The following LHX4 variants were observed in gnomAD, a reference collection of about 807,000 sequenced individuals.
The protein encoded by LHX4 is LIM homeobox 4.
Under a neutral mutation model 39.2 loss-of-function variants are expected in LHX4, and 16 were observed. The observed-to-expected ratio is 0.41, with a 90% CI of 0.28 to 0.62. The LOEUF (loss-of-function observed/expected upper bound fraction) is 0.62, where lower values mean the gene tolerates loss of function less well. Among genes scored for constraint, LHX4 ranks in the 20% least tolerant of loss-of-function variants. LHX4 has a pLI of 0.33. For synonymous variants in LHX4, 206 were observed against 198.1 expected (o/e 1.04, Z -0.33); for missense variants, 439 against 511.9 (o/e 0.86, Z 1.37).
At chr1:180,244,686 A>G (rs773292576) in intron 1 of LHX4, among the ~76,000 whole-genome samples, 2 of 152,206 alleles carry the variant, frequency 1.3e-5, no homozygotes, top group Non-Finnish European at 2.9e-5. Flanking sequence ...CCAAACAACA[A>G]TTAGGTAGGA....
chr1:180,245,176 A>T (rs1442051478), intron 1 of LHX4, among the ~76,000 whole-genome samples: 1 of 152,192 alleles, frequency 6.6e-6, no homozygotes, highest in East Asian at 1.9e-4. Flanking sequence ...TCTGCTCAGC[A>T]GACCGCAAGG....
Position 180,230,391 on chromosome 1 carries a change from G to A in LHX4, c.-139G>A. On this transcript the variant is annotated 5_prime_UTR_variant, in exon 1 of 6. Coordinates refer to ENST00000263726, the MANE Select transcript of LHX4 (RefSeq NM_033343.4). The surrounding 1 kb of genome is among the most constrained non-coding windows in gnomAD (Gnocchi z 5.8). Reference sequence around the variant, plus strand: ...GGCCAGCCTGTGGAGTCCTCCCTGAGAAGCGGAGGGCCCGGCTTCCACCGT... The same window carrying A: ...GGCCAGCCTGTGGAGTCCTCCCTGAAAAGCGGAGGGCCCGGCTTCCACCGT... The A allele has an allele frequency of 4.1e-6, 3 of 737,982 alleles. No individual in the cohort carries two copies. In the Admixed American group the frequency reaches 6.1e-5, roughly 15 times the overall value. The allele number at this position is 737,982 out of a possible 1,614,324, so 45.7% of individuals were successfully genotyped here.
At position 180,247,613 on chromosome 1, in the gene LHX4, G is replaced by A. The variant is rs150679721; in HGVS notation, c.77-672G>A. ...CTCAATCATCTTCAAAATGTGAGCC[G>A]CTAGGGCATCTGGAAAAGCAGTTTC... is the stretch of plus-strand genomic sequence containing the variant. On this transcript the variant is annotated intron_variant, in intron 1 of 5. Transcript: ENST00000263726. Among the ~76,000 whole-genome samples the A allele has an allele frequency of 1.0e-2, 1,519 of 152,258 alleles. 10 individuals are homozygous for A. The highest frequency in any genetic ancestry group is 0.02 in the Middle Eastern group (6 of 294).
intron 3 of LHX4, among the ~76,000 whole-genome samples, chr1:180,267,260 A>G (rs947243333): frequency 6.6e-6 from 1 of 152,034 alleles, no homozygotes; most frequent in African/African-American, 2.4e-5. Flanking sequence ...CACCCCCTTC[A>G]CCACAACCAC....
intron 2 of LHX4, among the ~76,000 whole-genome samples, chr1:180,251,181 C>T (rs1017329604): frequency 1.3e-5 from 2 of 152,238 alleles, no homozygotes; most frequent in African/African-American, 4.8e-5. Context: ...CTGCCAGAGG[C>T]ACTGGCGCAT....
In LHX4 at chr1:180,237,220, G is replaced by C. The variant is rs569528731; in HGVS notation, c.76+6615G>C. On this transcript the variant is annotated intron_variant, in intron 1 of 5. Coordinates refer to ENST00000263726, the MANE Select transcript of LHX4 (RefSeq NM_033343.4). The stretch of plus-strand genomic sequence containing the variant: ...ACACAGGGGTTTTACTCGGCGGGGG[G>C]GGCGGGGAGGAGGGCGGTCGTGTGT... Among the ~76,000 whole-genome samples the C allele has an allele frequency of 4.7e-3, 718 of 152,150 alleles. 11 individuals carry two copies. Among genetic ancestry groups the C allele is most frequent in the African/African-American group, 0.016 (666 of 41,502 alleles).
At position 180,271,386 on chromosome 1, in the gene LHX4, CAG is replaced by C; in HGVS notation, c.461_462del (p.Glu154GlyfsTer4). On this transcript the variant is annotated frameshift_variant, in exon 4 of 6. Coordinates refer to ENST00000263726, the MANE Select transcript of LHX4 (RefSeq NM_033343.4). LOFTEE classifies it high-confidence loss of function. ...CAGTGGTTTTTCCTTGCAGATGACTCAGAGGCTGGAGCTAAGCGGCCCCGGAC... is the reference window on the plus strand; with the variant it reads ...CAGTGGTTTTTCCTTGCAGATGACTCAGGCTGGAGCTAAGCGGCCCCGGAC... 6.2e-7 allele frequency: 1 copy of C among 1,614,192 alleles called. No individual in the cohort carries two copies. The highest frequency in any genetic ancestry group is 8.5e-7 in the Non-Finnish European group (1 of 1,180,028).
chr1:180,240,173 A>G (rs1664414865), intron 1 of LHX4, among the ~76,000 whole-genome samples: 1 of 152,240 alleles, frequency 6.6e-6, no homozygotes, highest in Admixed American at 6.5e-5. Flanking sequence ...CTGGTCTCAG[A>G]GCATCGTTAA....
intron 2 of LHX4, 60 bp downstream of exon 2, chr1:180,248,516 AG>A (rs749904315): frequency 4.4e-6 from 7 of 1,591,412 alleles, no homozygotes; most frequent in South Asian, 2.2e-5. Flanking sequence ...CCAAGCAGTG[AG>A]GGGGAAGTTT....
At chr1:180,264,266 A>C (rs1288883098) in intron 2 of LHX4, among the ~76,000 whole-genome samples, 4 of 152,180 alleles carry the variant, frequency 2.6e-5, no homozygotes, top group Non-Finnish European at 5.9e-5. Flanking sequence ...GTTTCATTTC[A>C]GTACCTGCTT....
chr1:180,268,220 A>T (rs1648412120), intron 3 of LHX4, among the ~76,000 whole-genome samples: 1 of 152,168 alleles, frequency 6.6e-6, no homozygotes, highest in Non-Finnish European at 1.5e-5. Flanking sequence ...ACACCTTTGG[A>T]AGTCTAGTGC....
upstream of LHX4, among the ~76,000 whole-genome samples, chr1:180,229,963 G>GCGGGGGGGGGGGGGGGGGC (rs1558204889): frequency 3.8e-5 from 3 of 78,226 alleles, no homozygotes; most frequent in Admixed American, 1.3e-4. Context: ...CGGAGGCGGG[G>GCGGGGGGGGGGGGGGGGGC]AGGGGGGGGG....
intron 1 of LHX4, among the ~76,000 whole-genome samples, chr1:180,233,667 C>CACAT (rs1227470254): frequency 1.3e-5 from 2 of 152,170 alleles, no homozygotes; most frequent in Non-Finnish European, 2.9e-5. Flanking sequence ...ACCCATCTGC[C>CACAT]ATGTAGTCTC....
rs1268757929 is a variant in LHX4, at chr1:180,278,089, A to G, written c.*3510A>G. The G allele has an allele frequency of 2.0e-5, 3 of 152,018 alleles. No individual in the cohort carries two copies. Among genetic ancestry groups the G allele is most frequent in the African/African-American group, 7.3e-5 (3 of 41,374 alleles). The allele number at this position is 152,018 out of a possible 1,614,324, so 9.4% of individuals were successfully genotyped here. A position where few individuals can be genotyped will look rare whatever the true frequency, so the allele number is the denominator to read the frequency against. On this transcript the variant is annotated 3_prime_UTR_variant, in exon 6 of 6. Coordinates refer to ENST00000263726, the MANE Select transcript of LHX4 (RefSeq NM_033343.4). ...AAGGCTGTGTGTTGTATGACAGTCC[A>G]CTCTCTGCACCTACACTTCCACGTG...
intron 5 of LHX4, chr1:180,272,617 T>C (rs1166962210): frequency 6.6e-6 from 1 of 152,508 alleles, no homozygotes; most frequent in African/African-American, 2.4e-5. Flanking sequence ...AATTACTGCA[T>C]GTTATGAATC....
At chr1:180,240,260 C>T (rs1467765248) in intron 1 of LHX4, among the ~76,000 whole-genome samples, 1 of 152,178 alleles carries the variant, frequency 6.6e-6, no homozygotes, top group Non-Finnish European at 1.5e-5. Context: ...TCTCGAACTT[C>T]TGGGTTCAAG....
At position 180,250,323 on chromosome 1, in the gene LHX4, TTGTGTGTGTG is replaced by T. The variant is rs757617473; in HGVS notation, c.248+1884_248+1893del. Among the ~76,000 whole-genome samples the T allele has an allele frequency of 3.3e-4, 40 of 119,698 alleles. 1 individual carries two copies. Among genetic ancestry groups the T allele is most frequent in the Admixed American group, 2.8e-3 (35 of 12,324 alleles). The allele number at this position is 119,698 out of a possible 152,430, so 78.5% of individuals were successfully genotyped here. ...CTGGGTGGAGTGAATTTCCCTGTGT[TTGTGTGTGTG>T]TGTGTGTGTGTGTGTGCGCGCGTGG... is the stretch of plus-strand genomic sequence containing the variant. On this transcript the variant is annotated intron_variant, in intron 2 of 5. Coordinates refer to ENST00000263726, the MANE Select transcript of LHX4 (RefSeq NM_033343.4).
intron 2 of LHX4, among the ~76,000 whole-genome samples, chr1:180,260,481 A>G (rs1366690121): frequency 6.6e-6 from 1 of 151,692 alleles, no homozygotes; most frequent in African/African-American, 2.4e-5. Flanking sequence ...AGGGGTGGAC[A>G]AATCAACAGC....
intron 2 of LHX4, among the ~76,000 whole-genome samples, chr1:180,261,185 GTCGGGAGGC>G (rs915485452): frequency 1.3e-5 from 2 of 149,228 alleles, no homozygotes; most frequent in African/African-American, 2.5e-5. Context: ...GAGCAGGTGT[GTCGGGAGGC>G]TCGGGAGGCC....
Sources: gnomAD v4.1 joint callset for allele counts (sites outside exome capture counted in the v4.1 genomes callset) on GRCh38, gnomAD v4.1.1 for gene constraint, Gnocchi (gnomAD v3.1) non-coding constraint, MANE v1.5 for transcripts, NCBI Gene and HGNC (gene_info 2026-07-23, HGNC 2026-07-21) for gene names.